The following PSD3 variants were observed in gnomAD, a reference collection of about 807,000 sequenced individuals.
The protein encoded by PSD3 is pleckstrin and Sec7 domain containing 3.
Under a neutral mutation model 105.5 loss-of-function variants are expected in PSD3, and 49 were observed. That is an observed-to-expected ratio of 0.46 (90% CI 0.37 to 0.59). The LOEUF (loss-of-function observed/expected upper bound fraction) is 0.59. Among genes scored for constraint, PSD3 ranks in the 20% least tolerant of loss-of-function variants. The pLI, the probability that PSD3 is intolerant of heterozygous loss-of-function variation, is 0.00. For synonymous variants in PSD3, 557 were observed against 457.8 expected (o/e 1.22, Z -2.77); for missense variants, 1,561 against 1,263.8 (o/e 1.24, Z -3.57).
chr8:18,535,660 T>TA lies in PSD3; in HGVS notation c.*82dup, dbSNP rs397780471. On this transcript the variant is annotated 3_prime_UTR_variant, in exon 16 of 16. Transcript: ENST00000327040. The stretch of plus-strand genomic sequence containing the variant: ...CGTTTTGTCACAGACTTTTTTTTTT[T>TA]AAATATATTCACGGATTACCAGAAA... 1.9e-4 allele frequency: 232 copies of TA among 1,193,270 alleles called. 1 individual carries two copies. The highest frequency in any genetic ancestry group is 1.4e-4 in the South Asian group (10 of 72,978). 73.9% of individuals were successfully genotyped at this position (1,193,270 alleles called of 1,614,324 possible).
At chr8:18,627,220 C>A (rs1192396867) in intron 11 of PSD3, among the ~76,000 whole-genome samples, 1 of 151,838 alleles carries the variant, frequency 6.6e-6, no homozygotes, top group Non-Finnish European at 1.5e-5. Flanking sequence ...CTAAACAGAG[C>A]CTGTGAGTCA....
At chr8:18,972,004 A>G (rs982151551) in intron 1 of PSD3, among the ~76,000 whole-genome samples, 33 of 152,298 alleles carry the variant, frequency 2.2e-4, no homozygotes, top group African/African-American at 7.2e-4. Context: ...GACTGTCAAA[A>G]AAAATAAAAA....
intron 12 of PSD3, among the ~76,000 whole-genome samples, chr8:18,591,937 G>A (rs1405111673): frequency 6.6e-6 from 1 of 152,164 alleles, no homozygotes; most frequent in Non-Finnish European, 1.5e-5. Flanking sequence ...GATGACTGGT[G>A]AGGGGCTTCT....
At chr8:18,650,873 A>AGACGGGGTGGCTACAGAGAT in intron 10 of PSD3, among the ~76,000 whole-genome samples, 1 of 152,208 alleles carries the variant, frequency 6.6e-6, no homozygotes, top group African/African-American at 2.4e-5. Context: ...AGACTTTATA[A>AGACGGGGTGGCTACAGAGAT]GACGGGGTGG....
rs1048883050 is a variant in PSD3 at position 18,796,912 on chromosome 8, C to G, written c.2082+2383G>C. Among the ~76,000 whole-genome samples, 6 of 152,038 alleles carry G rather than the reference C, an allele frequency of 3.9e-5. No individual in the cohort carries two copies. The South Asian group carries it at 8.3e-4, about 21-fold the overall frequency. ...AAGGAGAAGGTGAAAAGGAGCAGAA[C>G]AGTAGAAATAATTCATTTTATCTCC... On this transcript the variant is annotated intron_variant, in intron 8 of 15. Transcript: ENST00000327040.
At chr8:18,846,124 C>G (rs1263651709) in intron 4 of PSD3, among the ~76,000 whole-genome samples, 3 of 152,154 alleles carry the variant, frequency 2.0e-5, no homozygotes, top group Non-Finnish European at 4.4e-5. Flanking sequence ...GAAAGATTTG[C>G]AGATTCCCTC....
intron 9 of PSD3, among the ~76,000 whole-genome samples, chr8:18,668,987 A>C (rs1799630693): frequency 6.6e-6 from 1 of 152,192 alleles, no homozygotes; most frequent in South Asian, 2.1e-4. Context: ...TCCTAAGTTC[A>C]CGGCTAAGAA....
Position 18,804,726 on chromosome 8 carries a change from C to T in PSD3, c.1807G>A (p.Val603Ile). ...TACTTCTTGCCAAGGTGTTTTGCAA[C>T]ATCTGATCTTTTGAATCTGTCCAGC... ...YQLDRFKRSDVAKHLGKNNEF... is the reference protein window; with the variant it reads ...YQLDRFKRSDIAKHLGKNNEF... The change falls in exon 5 of 16, where the codon GTT becomes ATT. Residue 603 changes from valine (V) to isoleucine (I), a missense_variant. By Grantham distance (29) the Val-to-Ile change is conservative (BLOSUM62 3). Coordinates refer to ENST00000327040, the MANE Select transcript of PSD3 (RefSeq NM_015310.4). The T allele has an allele frequency of 6.2e-7, 1 of 1,613,980 alleles. No homozygotes were observed. The highest frequency in any genetic ancestry group is 1.6e-4 in the Middle Eastern group (1 of 6,062).
chr8:18,704,771 G>C (rs567127162), intron 9 of PSD3, among the ~76,000 whole-genome samples: 1 of 151,934 alleles, frequency 6.6e-6, no homozygotes, highest in Non-Finnish European at 1.5e-5. Flanking sequence ...TCCAGCTTAT[G>C]ATTAAAAACT....
chr8:18,865,484 CCCTA>C (rs1300477042), intron 4 of PSD3, among the ~76,000 whole-genome samples: 2 of 151,382 alleles, frequency 1.3e-5, no homozygotes, highest in East Asian at 1.9e-4. Context: ...ATTAAACCTG[CCCTA>C]CCTTTTAACC....
At chr8:18,766,567 C>T (rs1807019896) in intron 8 of PSD3, among the ~76,000 whole-genome samples, 1 of 152,100 alleles carries the variant, frequency 6.6e-6, no homozygotes, top group East Asian at 1.9e-4. Flanking sequence ...CTGAGCTGAA[C>T]TCAGCTGTTT....
chr8:18,933,693 C>A (rs1408411154), intron 2 of PSD3, among the ~76,000 whole-genome samples: 2 of 152,278 alleles, frequency 1.3e-5, no homozygotes, highest in East Asian at 3.9e-4. Context: ...GTCTCAAACT[C>A]CTGACCTCTG....
At chr8:18,655,501 C>T (rs1808823568) in intron 10 of PSD3, 141 bp downstream of exon 10, 1 of 793,164 alleles carries the variant, frequency 1.3e-6, no homozygotes, top group East Asian at 2.6e-5. Flanking sequence ...TATAAAGCCA[C>T]AAAGTAGGTA....
intron 10 of PSD3, among the ~76,000 whole-genome samples, chr8:18,641,661 G>C (rs577371444): frequency 1.3e-5 from 2 of 152,256 alleles, no homozygotes; most frequent in African/African-American, 4.8e-5. Flanking sequence ...TTAAGTGGGT[G>C]AATTTTATGG....
At position 19,036,064 on chromosome 8, in the gene PSD3, A is replaced by G. The variant is rs550836915; in HGVS notation, c.324+48142T>C. On this transcript the variant is annotated intron_variant, in intron 1 of 1. Transcript: ENST00000521475. Reference sequence around the variant, plus strand: ...GTCACCATGCCCAGCCAAAAAAAATATATTTTCTAATGGCTGTTGCAATGT... The same window carrying G: ...GTCACCATGCCCAGCCAAAAAAAATGTATTTTCTAATGGCTGTTGCAATGT... Among the ~76,000 whole-genome samples, 20 of 152,252 alleles carry G rather than the reference A, an allele frequency of 1.3e-4. 1 individual carries two copies. Among genetic ancestry groups the G allele is most frequent in the Non-Finnish European group, 1.0e-4 (7 of 68,014 alleles).
At chr8:18,952,630 A>G (rs1586511276) in intron 1 of PSD3, among the ~76,000 whole-genome samples, 2 of 152,242 alleles carry the variant, frequency 1.3e-5, no homozygotes, top group Admixed American at 1.3e-4. Flanking sequence ...AAATTATAGG[A>G]CTGTTAGAAT....
intron 4 of PSD3, among the ~76,000 whole-genome samples, chr8:18,855,064 G>GC (rs1274073198): frequency 1.3e-5 from 2 of 152,186 alleles, no homozygotes; most frequent in Non-Finnish European, 2.9e-5. Context: ...GTGTGTGTCA[G>GC]CCCTAACAGG....
intron 1 of PSD3, among the ~76,000 whole-genome samples, chr8:19,000,366 C>T (rs1325357402): frequency 1.4e-5 from 2 of 146,898 alleles, no homozygotes; most frequent in East Asian, 4.0e-4. Flanking sequence ...CCCTGCATTC[C>T]GGCCTTGCTG....
At chr8:18,773,196 T>C (rs893971287) in intron 8 of PSD3, among the ~76,000 whole-genome samples, 4 of 152,190 alleles carry the variant, frequency 2.6e-5, no homozygotes, top group African/African-American at 9.6e-5. Context: ...TTATACACTG[T>C]GTGATATAAG....
Sources: gnomAD v4.1 joint callset for allele counts (sites outside exome capture counted in the v4.1 genomes callset) on GRCh38, gnomAD v4.1.1 for gene constraint, MANE v1.5 for transcripts, NCBI Gene and HGNC (gene_info 2026-07-23, HGNC 2026-07-21) for gene names.